FAM78B: variants seen among roughly 807,000 people sequenced by gnomAD.
FAM78B encodes family with sequence similarity 78 member B, also known as protein FAM78B.
A neutral mutation model predicts 20.0 loss-of-function variants in FAM78B; 10 were observed. The ratio of observed to expected loss-of-function variants is 0.50; its 90% CI spans 0.31 to 0.85. The LOEUF (loss-of-function observed/expected upper bound fraction) is 0.85, where lower values mean the gene tolerates loss of function less well. Among genes scored for constraint, FAM78B ranks in the 40% least tolerant of loss-of-function variants. FAM78B has a pLI of 0.05. For synonymous variants in FAM78B, 135 were observed against 132.8 expected (o/e 1.02, Z -0.12); for missense variants, 283 against 345.0 (o/e 0.82, Z 1.42).
At chr1:166,105,282 C>G (rs10918356) in intron 1 of FAM78B, among the ~76,000 whole-genome samples, 29,652 of 152,012 alleles carry the variant, frequency 0.2, 3,297 homozygotes, top group East Asian at 0.38. Flanking sequence ...TACCAGTCAG[C>G]ACATAGGCAT....
At chr1:166,119,823 A>C (rs1463460337) in intron 1 of FAM78B, among the ~76,000 whole-genome samples, 1 of 152,230 alleles carries the variant, frequency 6.6e-6, no homozygotes, top group Non-Finnish European at 1.5e-5. Context: ...CCAAGGCAAT[A>C]CACTGAACAT....
At chr1:166,114,805 T>G (rs1654196973) in intron 1 of FAM78B, among the ~76,000 whole-genome samples, 1 of 152,200 alleles carries the variant, frequency 6.6e-6, no homozygotes, top group Non-Finnish European at 1.5e-5. Flanking sequence ...TTTTTGTTGT[T>G]GTTCTCTTTT....
chr1:166,142,962 T>C (rs538955657), intron 1 of FAM78B, among the ~76,000 whole-genome samples: 62 of 152,204 alleles, frequency 4.1e-4, no homozygotes, highest in African/African-American at 1.4e-3. Flanking sequence ...AATGGTACAG[T>C]AGTGTAAGAG....
intron 1 of FAM78B, among the ~76,000 whole-genome samples, chr1:166,088,997 A>G (rs960349483): frequency 1.3e-5 from 2 of 151,982 alleles, no homozygotes; most frequent in Non-Finnish European, 1.5e-5. Context: ...TCCACCCCCA[A>G]TAGCTTTCCT....
At position 166,154,233 on chromosome 1, in the gene FAM78B, G is replaced by T. The variant is rs1293648682; in HGVS notation, c.263+11753C>A. The stretch of plus-strand genomic sequence containing the variant: ...AGGAAGATACCTTGCCTGTGTGTGG[G>T]TAGGGGCCAGGAGGGCCATGCATGC... On this transcript the variant is annotated intron_variant, in intron 1 of 1. Coordinates refer to ENST00000354422, the MANE Select transcript of FAM78B (RefSeq NM_001017961.5). 2.0e-5 allele frequency among the ~76,000 whole-genome samples: 3 copies of T among 152,330 alleles called. No individual in the cohort carries two copies. In the East Asian group the frequency reaches 5.8e-4, roughly 29 times the overall value.
chr1:166,089,717 A>G (rs1652989046), intron 1 of FAM78B, among the ~76,000 whole-genome samples: 1 of 151,482 alleles, frequency 6.6e-6, no homozygotes, highest in South Asian at 2.1e-4. Flanking sequence ...GAGCTCTGGA[A>G]TGGGGGGTGA....
At chr1:166,081,301 T>C (rs991926668) in intron 1 of FAM78B, 3 of 152,222 alleles carry the variant, frequency 2.0e-5, no homozygotes, top group Non-Finnish European at 2.9e-5. Context: ...TATTTAACCT[T>C]CACCACGTGG....
intron 1 of FAM78B, among the ~76,000 whole-genome samples, chr1:166,071,182 A>G (rs921530968): frequency 2.0e-5 from 3 of 152,224 alleles, no homozygotes; most frequent in African/African-American, 7.2e-5. Flanking sequence ...CTTGGAAGGC[A>G]GTATCTGGTG....
chr1:166,146,461 A>C (rs951166164), intron 1 of FAM78B, among the ~76,000 whole-genome samples: 1 of 152,226 alleles, frequency 6.6e-6, no homozygotes, highest in African/African-American at 2.4e-5. Context: ...AGGATGATGC[A>C]GTCCTACGGA....
rs1655647507 is a variant in FAM78B at position 166,150,894 on chromosome 1, G to A, written c.263+15092C>T. 3.3e-5 allele frequency among the ~76,000 whole-genome samples: 5 copies of A among 152,092 alleles called. No homozygotes were observed. In the South Asian group the frequency reaches 1.0e-3, roughly 32 times the overall value. On this transcript the variant is annotated intron_variant, in intron 1 of 1. Coordinates refer to ENST00000354422, the MANE Select transcript of FAM78B (RefSeq NM_001017961.5). ...GAGCCCAGGAGTTTGAGACTAGCCT[G>A]AGCAACACAGTGAGAACTTGTCTCT...
In FAM78B at chr1:166,069,987, T is replaced by C. The variant is rs1163312901; in HGVS notation, c.*254A>G. On this transcript the variant is annotated 3_prime_UTR_variant, in exon 2 of 2. Coordinates refer to ENST00000354422, the MANE Select transcript of FAM78B (RefSeq NM_001017961.5). ...AATCATCCTGGTCAGCTCCAAAATA[T>C]GGCTACTTGCATGGTAATCACAGCA... The C allele has an allele frequency of 1.7e-6, 2 of 1,201,594 alleles. No individual in the cohort carries two copies. Among genetic ancestry groups the C allele is most frequent in the Non-Finnish European group, 2.1e-6 (2 of 967,928 alleles). 74.4% of individuals were successfully genotyped at this position (1,201,594 alleles called of 1,614,324 possible).
At chr1:166,062,625 G>GC (rs576057077) in intron 2 of FAM78B, among the ~76,000 whole-genome samples, 105 of 152,320 alleles carry the variant, frequency 6.9e-4, no homozygotes, top group Non-Finnish European at 1.1e-3. Flanking sequence ...GGGTGGCGTA[G>GC]CCTCTCAGTC....
At chr1:166,086,538 G>A (rs567038716) in intron 1 of FAM78B, among the ~76,000 whole-genome samples, 3 of 152,296 alleles carry the variant, frequency 2.0e-5, no homozygotes, top group African/African-American at 4.8e-5. Context: ...AAAACAGAAG[G>A]GGAGAGGCTG....
intron 1 of FAM78B, among the ~76,000 whole-genome samples, chr1:166,135,580 T>C (rs1490856394): frequency 2.6e-5 from 4 of 152,208 alleles, no homozygotes; most frequent in Admixed American, 6.5e-5. Context: ...ATGAGACATG[T>C]TGGGTGAAGA....
intron 1 of FAM78B, among the ~76,000 whole-genome samples, chr1:166,152,323 C>T (rs969399748): frequency 1.3e-5 from 2 of 152,202 alleles, no homozygotes; most frequent in Non-Finnish European, 2.9e-5. Flanking sequence ...CCTTTCAGTT[C>T]CACGCTGGCG....
intron 1 of FAM78B, among the ~76,000 whole-genome samples, chr1:166,163,787 A>C (rs1393545608): frequency 6.6e-6 from 1 of 152,270 alleles, no homozygotes; most frequent in Non-Finnish European, 1.5e-5. Flanking sequence ...GCAACCATGA[A>C]GAAACAGGTA....
At chr1:166,064,769 G>A (rs1279639910), downstream of FAM78B, among the ~76,000 whole-genome samples, 3 of 152,192 alleles carry the variant, frequency 2.0e-5, no homozygotes, top group Non-Finnish European at 4.4e-5. Context: ...TCTTACATGA[G>A]GCAGCACATT....
chr1:166,098,569 T>TTGTGG (rs1171012045), intron 1 of FAM78B, among the ~76,000 whole-genome samples: 4 of 151,812 alleles, frequency 2.6e-5, no homozygotes, highest in African/African-American at 9.7e-5. Flanking sequence ...TCAAGAAACT[T>TTGTGG]TGGACACACT....
Position 166,166,387 on chromosome 1 carries a change from C to T in FAM78B, c.-139G>A. 1.3e-6 allele frequency: 1 copy of T among 760,216 alleles called. No homozygotes were observed. Among genetic ancestry groups the T allele is most frequent in the Non-Finnish European group, 1.6e-6 (1 of 615,532 alleles). The allele number at this position is 760,216 out of a possible 1,614,324, so 47.1% of individuals were successfully genotyped here. A position where few individuals can be genotyped will look rare whatever the true frequency, so the allele number is the denominator to read the frequency against. On this transcript the variant is annotated 5_prime_UTR_variant, in exon 1 of 2. Transcript: ENST00000354422. ...TCAGCTCGCACCTAGGAGCGGGGAGCCGCCGGGCATCCTTGGGGAAGCCCC... is the reference window on the plus strand; with the variant it reads ...TCAGCTCGCACCTAGGAGCGGGGAGTCGCCGGGCATCCTTGGGGAAGCCCC...
Sources: allele counts gnomAD v4.1 joint callset (sites outside exome capture counted in the v4.1 genomes callset), GRCh38; gene constraint gnomAD v4.1.1; transcripts MANE v1.5; gene names NCBI Gene and HGNC (gene_info 2026-07-23, HGNC 2026-07-21).